The following SPIDR variants were observed in gnomAD, a reference collection of about 807,000 sequenced individuals.
The protein encoded by SPIDR is scaffold protein involved in DNA repair.
Under a neutral mutation model 104.6 loss-of-function variants are expected in SPIDR, and 93 were observed. The observed-to-expected ratio is 0.89, with a 90% CI of 0.75 to 1.06. SPIDR has a LOEUF of 1.06. Among genes scored for constraint, SPIDR ranks in the 50% least tolerant of loss-of-function variants. The probability of loss-of-function intolerance (pLI) is 0.00; values close to 1 mark genes in which losing one functional copy is unlikely to be tolerated. For missense variants in SPIDR, 1,154 were observed against 1,111.2 expected (o/e 1.04, Z -0.55); for synonymous variants, 431 against 416.9 (o/e 1.03, Z -0.41).
chr8:47,571,212 T>C (rs1226899239), intron 8 of SPIDR, among the ~76,000 whole-genome samples: 2 of 152,186 alleles, frequency 1.3e-5, no homozygotes. Flanking sequence ...ATGAGTAAGT[T>C]CTGGAGACCT....
intron 1 of SPIDR, among the ~76,000 whole-genome samples, chr8:47,272,441 C>T (rs1182728742): frequency 2.0e-5 from 3 of 152,022 alleles, no homozygotes; most frequent in African/African-American, 2.4e-5. Flanking sequence ...TGTTGCCTGT[C>T]GTGTGTAGCT....
At chr8:47,703,907 A>AAGT (rs2080701152) in intron 14 of SPIDR, among the ~76,000 whole-genome samples, 1 of 152,264 alleles carries the variant, frequency 6.6e-6, no homozygotes, top group South Asian at 2.1e-4. Context: ...CCATCTACTG[A>AAGT]CGGCCACCGA....
At chr8:47,562,126 C>T (rs146350669) in intron 8 of SPIDR, among the ~76,000 whole-genome samples, 25 of 152,294 alleles carry the variant, frequency 1.6e-4, no homozygotes, top group Admixed American at 2.6e-4. Context: ...AATAATTTCA[C>T]CTAGTTAACA....
chr8:47,729,192 T>C, intron 18 of SPIDR, 145 bp downstream of exon 18: 1 of 1,518,896 alleles, frequency 6.6e-7, no homozygotes, highest in Middle Eastern at 1.7e-4. Flanking sequence ...TGGAACTCCC[T>C]CTAGGTCCTA....
At chr8:47,395,803 A>G (rs1448104840) in intron 5 of SPIDR, among the ~76,000 whole-genome samples, 1 of 152,204 alleles carries the variant, frequency 6.6e-6, no homozygotes, top group African/African-American at 2.4e-5. Flanking sequence ...GGAAAAGGAG[A>G]CAATGACTCA....
At chr8:47,295,059 A>T (rs1226469173) in intron 5 of SPIDR, among the ~76,000 whole-genome samples, 5 of 152,116 alleles carry the variant, frequency 3.3e-5, no homozygotes, top group Non-Finnish European at 7.4e-5. Context: ...ATAACTTTTT[A>T]AAAATTCTTC....
chr8:47,617,627 A>G (rs2064514589), intron 10 of SPIDR, among the ~76,000 whole-genome samples: 1 of 152,220 alleles, frequency 6.6e-6, no homozygotes, highest in South Asian at 2.1e-4. Flanking sequence ...AGGATAATAT[A>G]TAAGAGATGT....
chr8:47,479,917 A>G (rs542062571), intron 8 of SPIDR, among the ~76,000 whole-genome samples: 10 of 152,346 alleles, frequency 6.6e-5, no homozygotes, highest in South Asian at 2.1e-4. Context: ...TTTAGCATCC[A>G]GTTTCTCTTA....
chr8:47,493,146 C>T (rs956819261), intron 8 of SPIDR, among the ~76,000 whole-genome samples: 1 of 151,756 alleles, frequency 6.6e-6, no homozygotes, highest in Admixed American at 6.6e-5. Flanking sequence ...TAGGTTTGTT[C>T]TATCTTTCTG....
chr8:47,656,537 T>C (rs2072850720), intron 10 of SPIDR, among the ~76,000 whole-genome samples: 1 of 152,140 alleles, frequency 6.6e-6, no homozygotes, highest in Non-Finnish European at 1.5e-5. Context: ...TGTGGAGAAG[T>C]TGGAATCTTG....
chr8:47,579,872 C>T (rs1005024277), intron 8 of SPIDR, among the ~76,000 whole-genome samples: 4 of 152,160 alleles, frequency 2.6e-5, no homozygotes, highest in Admixed American at 6.5e-5. Flanking sequence ...TACCCATATC[C>T]AAGTAGGGAG....
At chr8:47,466,879 T>G (rs1406451353) in intron 8 of SPIDR, among the ~76,000 whole-genome samples, 1 of 82,288 alleles carries the variant, frequency 1.2e-5, no homozygotes, top group Non-Finnish European at 2.6e-5. Context: ...TAGGAGTTAG[T>G]TTTTTTTGAA....
chr8:47,511,786 T>A, intron 8 of SPIDR: 2 of 1,224,336 alleles, frequency 1.6e-6, no homozygotes, highest in Middle Eastern at 4.7e-4. Flanking sequence ...AAAGAGATCA[T>A]CCACCAGCTC....
intron 10 of SPIDR, among the ~76,000 whole-genome samples, chr8:47,619,658 C>G (rs1376532878): frequency 6.7e-6 from 1 of 149,792 alleles, no homozygotes; most frequent in Non-Finnish European, 1.5e-5. Flanking sequence ...ACTCTGTTGC[C>G]TAGGCCCAGT....
intron 7 of SPIDR, among the ~76,000 whole-genome samples, chr8:47,411,525 T>C (rs2063523820): frequency 6.6e-6 from 1 of 152,236 alleles, no homozygotes; most frequent in African/African-American, 2.4e-5. Context: ...CTTGTAAATT[T>C]GTTTGAGTTC....
At chr8:47,459,114 G>A (rs920509256) in intron 8 of SPIDR, among the ~76,000 whole-genome samples, 7 of 152,074 alleles carry the variant, frequency 4.6e-5, no homozygotes, top group Non-Finnish European at 8.8e-5. Context: ...CATGTCTTAT[G>A]TGCTTTCCTG....
chr8:47,399,825 A>G (rs2061648332), intron 6 of SPIDR, among the ~76,000 whole-genome samples: 1 of 152,174 alleles, frequency 6.6e-6, no homozygotes, highest in African/African-American at 2.4e-5. Context: ...GGTAGAACTC[A>G]CTGATTGAGG....
rs373099524 is a variant in SPIDR, at chr8:47,700,439, G to T, written c.1722G>T (p.Trp574Cys). ...AGIFSLIDTL[W>C]PPAIPLKTPG... ...TTTTCAGTTTGATTGACACCCTGTG[G>T]CCCCCAGCGATACCTCTGAAAACAC... Residue 574 changes from tryptophan to cysteine, a missense_variant, in exon 12 of 20, where the codon TGG becomes TGT. Transcript: ENST00000297423. The T allele has an allele frequency of 1.9e-6, 3 of 1,614,008 alleles. No individual in the cohort carries two copies. The highest frequency in any genetic ancestry group is 1.7e-5 in the Admixed American group (1 of 59,998).
chr8:47,261,012 G>C (rs1056814844), intron 1 of SPIDR, 21 bp downstream of exon 1: 4 of 1,227,548 alleles, frequency 3.3e-6, no homozygotes, highest in African/African-American at 3.1e-5. Flanking sequence ...GGGCGGGAGT[G>C]GGCGCCGCGC....
Sources: gnomAD v4.1 joint callset for allele counts (sites outside exome capture counted in the v4.1 genomes callset) on GRCh38, gnomAD v4.1.1 for gene constraint, MANE v1.5 for transcripts, NCBI Gene and HGNC (gene_info 2026-07-23, HGNC 2026-07-21) for gene names.